Variants in ADCK1 observed in about 807,000 individuals in gnomAD.
The protein encoded by ADCK1 is aarF domain containing kinase 1, also known as aarF domain-containing protein kinase 1.
ADCK1 carries 41 observed loss-of-function variants against 52.3 expected under a neutral mutation model. That is an observed-to-expected ratio of 0.78 (90% CI 0.61 to 1.02). The LOEUF is 1.02. ADCK1 is among the 50% of genes least tolerant of loss of function. The pLI is 0.00. For missense variants in ADCK1, 658 were observed against 679.5 expected (o/e 0.97, Z 0.35); for synonymous variants, 250 against 274.6 (o/e 0.91, Z 0.89).
chr14:77,918,174 C>A (rs371875019), intron 7 of ADCK1, among the ~76,000 whole-genome samples: 11 of 152,176 alleles, frequency 7.2e-5, no homozygotes, highest in Admixed American at 2.6e-4. Context: ...GTTCAAGAGG[C>A]CAAAGAAGAG....
At chr14:77,857,070 C>T (rs2082433230) in intron 3 of ADCK1, among the ~76,000 whole-genome samples, 1 of 151,930 alleles carries the variant, frequency 6.6e-6, no homozygotes, top group Non-Finnish European at 1.5e-5. Context: ...GAGTCTGAGA[C>T]AGCCCCTCTG....
intron 7 of ADCK1, among the ~76,000 whole-genome samples, chr14:77,916,343 T>C (rs1276180795): frequency 6.6e-6 from 1 of 152,118 alleles, no homozygotes; most frequent in Non-Finnish European, 1.5e-5. Flanking sequence ...CATGCCTCTC[T>C]GTGATGTTCC....
At chr14:77,904,883 C>A (rs895077708) in intron 6 of ADCK1, among the ~76,000 whole-genome samples, 1 of 152,156 alleles carries the variant, frequency 6.6e-6, no homozygotes, top group Non-Finnish European at 1.5e-5. Context: ...TTTCAAATTT[C>A]TCTTTTTCAT....
At chr14:77,824,208 A>G (rs1009810470) in intron 3 of ADCK1, among the ~76,000 whole-genome samples, 2 of 151,936 alleles carry the variant, frequency 1.3e-5, no homozygotes, top group Admixed American at 1.3e-4. Flanking sequence ...TCATTCACTT[A>G]ATTTTTTTCC....
At chr14:77,819,740 C>G (rs910497407) in intron 2 of ADCK1, among the ~76,000 whole-genome samples, 3 of 152,236 alleles carry the variant, frequency 2.0e-5, no homozygotes, top group Admixed American at 2.0e-4. Flanking sequence ...CCCAGACATT[C>G]CTATAGAATT....
intron 3 of ADCK1, among the ~76,000 whole-genome samples, chr14:77,823,151 C>T (rs1445852364): frequency 1.3e-5 from 2 of 152,178 alleles, no homozygotes; most frequent in South Asian, 2.1e-4. Context: ...GTTTAGATAT[C>T]CCGGAGACTT....
At chr14:77,820,412 CCT>C (rs139490910) in intron 2 of ADCK1, among the ~76,000 whole-genome samples, 5,875 of 151,212 alleles carry the variant, frequency 0.039, 179 homozygotes, top group South Asian at 0.12. Context: ...CTTACTGCAA[CCT>C]CCACCTCCTG....
intron 6 of ADCK1, among the ~76,000 whole-genome samples, chr14:77,899,707 A>G (rs760858725): frequency 6.6e-6 from 1 of 152,196 alleles, no homozygotes; most frequent in Non-Finnish European, 1.5e-5. Flanking sequence ...TACTGCAGTT[A>G]TGGAAAATCA....
At chr14:77,858,234 G>A (rs746472486) in intron 3 of ADCK1, among the ~76,000 whole-genome samples, 24 of 151,908 alleles carry the variant, frequency 1.6e-4, no homozygotes, top group South Asian at 4.2e-4. Context: ...ATATTTATTA[G>A]TGATTTCTTT....
intron 3 of ADCK1, among the ~76,000 whole-genome samples, chr14:77,847,058 A>T (rs562040061): frequency 6.6e-5 from 10 of 152,262 alleles, no homozygotes; most frequent in African/African-American, 2.4e-4. Context: ...GAGGAGGTGA[A>T]GGGAGGCAGG....
At chr14:77,802,954 AAAAT>A (rs1348230796) in intron 1 of ADCK1, among the ~76,000 whole-genome samples, 2 of 152,080 alleles carry the variant, frequency 1.3e-5, no homozygotes, top group Non-Finnish European at 2.9e-5. Context: ...ACTTCATCTC[AAAAT>A]AAATAAATAA....
At chr14:77,837,664 C>T (rs901029331) in intron 3 of ADCK1, among the ~76,000 whole-genome samples, 1 of 152,214 alleles carries the variant, frequency 6.6e-6, no homozygotes, top group African/African-American at 2.4e-5. Flanking sequence ...CAGGGTTCCT[C>T]CAGGCCAGTG....
chr14:77,900,707 G>A (rs1474932615), intron 6 of ADCK1: 34 of 410,374 alleles, frequency 8.3e-5, no homozygotes, highest in East Asian at 7.2e-5. Flanking sequence ...AATGTGGCAC[G>A]GCTCTGCTGG....
chr14:77,866,275 T>A (rs1207208767), intron 4 of ADCK1, among the ~76,000 whole-genome samples: 5 of 152,230 alleles, frequency 3.3e-5, no homozygotes, highest in African/African-American at 7.2e-5. Context: ...TATGGTATTA[T>A]TAATATAATG....
chr14:77,931,427 G>C (rs1595110763), intron 9 of ADCK1, 91 bp from the exon 10 acceptor site: 2 of 1,353,780 alleles, frequency 1.5e-6, no homozygotes, highest in East Asian at 2.4e-5. Flanking sequence ...CTTCTTTGCA[G>C]CCCTCTGGTC....
At chr14:77,845,776 G>T (rs1172929699) in intron 3 of ADCK1, among the ~76,000 whole-genome samples, 1 of 152,150 alleles carries the variant, frequency 6.6e-6, no homozygotes, top group Non-Finnish European at 1.5e-5. Flanking sequence ...GGTGGACACA[G>T]ACACAAAATC....
chr14:77,870,305 A>G (rs908737885), intron 4 of ADCK1, among the ~76,000 whole-genome samples: 6 of 152,232 alleles, frequency 3.9e-5, no homozygotes, highest in African/African-American at 1.4e-4. Context: ...CCCGCTATGC[A>G]GCTCCTAGCC....
At chr14:77,822,348 G>A (rs2081601192) in intron 2 of ADCK1, 87 bp from the exon 3 acceptor site, 1 of 1,068,902 alleles carries the variant, frequency 9.4e-7, no homozygotes. Context: ...TAGCAGCTGT[G>A]TCAGGGACCT....
intron 6 of ADCK1, among the ~76,000 whole-genome samples, chr14:77,907,592 GGCGGAGGCCT>G (rs2083694992): frequency 6.6e-6 from 1 of 152,210 alleles, no homozygotes; most frequent in South Asian, 2.1e-4. Flanking sequence ...TAAAGGAGTG[GGCGGAGGCCT>G]GCTGAGCAGA....
Sources: gnomAD v4.1 joint callset for allele counts (sites outside exome capture counted in the v4.1 genomes callset) on GRCh38, gnomAD v4.1.1 for gene constraint, MANE v1.5 for transcripts, NCBI Gene and HGNC (gene_info 2026-07-23, HGNC 2026-07-21) for gene names.